CYFIP2: variants seen among roughly 807,000 people sequenced by gnomAD.
CYFIP2 encodes cytoplasmic FMR1 interacting protein 2, also known as cytoplasmic FMR1-interacting protein 2.
In CYFIP2, 29 loss-of-function variants were observed where a neutral mutation model predicts 158.7. The ratio of observed to expected loss-of-function variants is 0.18; its 90% CI spans 0.14 to 0.25. The LOEUF (loss-of-function observed/expected upper bound fraction) is 0.25, where lower values mean the gene tolerates loss of function less well. Ranked by LOEUF, CYFIP2 falls within the 10% of genes least tolerant of loss-of-function variation. The pLI, the probability that CYFIP2 is intolerant of heterozygous loss-of-function variation, is 1.00. For missense variants in CYFIP2, 852 were observed against 1,639.5 expected (o/e 0.52, Z 8.29); for synonymous variants, 585 against 617.6 (o/e 0.95, Z 0.78).
rs1215385731 is a variant in CYFIP2, at chr5:157,333,552, G to GT, written c.2385+107dup. On this transcript the variant is annotated intron_variant, in intron 21 of 30. Transcript: ENST00000620254. ...GTGCTGGGCCAGTTAAAGAGGGGCA[G>GT]TGAGTCTCTTTCCCATCTGAATGGA... 9 of 1,467,732 alleles carry GT rather than the reference G, an allele frequency of 6.1e-6. No individual in the cohort carries two copies. The Admixed American group carries it at 1.6e-4, about 26-fold the overall frequency. 90.9% of individuals were successfully genotyped at this position (1,467,732 alleles called of 1,614,324 possible). A position where few individuals can be genotyped will look rare whatever the true frequency, so the allele number is the denominator to read the frequency against.
intron 15 of CYFIP2, chr5:157,323,027 G>C: frequency 1.3e-6 from 2 of 1,535,944 alleles, no homozygotes; most frequent in Non-Finnish European, 1.7e-6. Flanking sequence ...GTATCACACC[G>C]CCTGGCTGGG....
At chr5:157,375,220 G>A (rs1765348811) in intron 26 of CYFIP2, among the ~76,000 whole-genome samples, 1 of 152,190 alleles carries the variant, frequency 6.6e-6, no homozygotes, top group Admixed American at 6.5e-5. Flanking sequence ...CCAGGCCTTT[G>A]GCAGCAAGGC....
intron 11 of CYFIP2, 23 bp from the exon 12 acceptor site, chr5:157,314,321 G>A: frequency 6.8e-6 from 11 of 1,611,904 alleles, no homozygotes; most frequent in Non-Finnish European, 9.3e-6. Context: ...TAGACCATGA[G>A]TATGACACCT....
At chr5:157,280,875 A>T (rs765544506) in intron 1 of CYFIP2, among the ~76,000 whole-genome samples, 1 of 152,152 alleles carries the variant, frequency 6.6e-6, no homozygotes, top group Non-Finnish European at 1.5e-5. Flanking sequence ...CCTAAATACA[A>T]TATTTCCTTC....
At chr5:157,287,187 G>T in intron 3 of CYFIP2, 79 bp downstream of exon 3, 1 of 1,139,912 alleles carries the variant, frequency 8.8e-7, no homozygotes, top group Non-Finnish European at 1.3e-6. Flanking sequence ...TCACACCAGA[G>T]GCATGTGCTC....
intron 26 of CYFIP2, among the ~76,000 whole-genome samples, chr5:157,365,826 T>C (rs575364752): frequency 4.5e-4 from 37 of 83,120 alleles, no homozygotes; most frequent in Non-Finnish European, 8.4e-4. Flanking sequence ...ATCCATGTTG[T>C]AGATGATCCA....
chr5:157,328,165 C>A, intron 19 of CYFIP2, 116 bp downstream of exon 19: 1 of 996,804 alleles, frequency 1.0e-6, no homozygotes, highest in Non-Finnish European at 1.5e-6. Context: ...CAGAGCCATT[C>A]CACGGACCCG....
At chr5:157,348,403 C>T (rs1045738238) in intron 23 of CYFIP2, among the ~76,000 whole-genome samples, 1 of 152,090 alleles carries the variant, frequency 6.6e-6, no homozygotes, top group African/African-American at 2.4e-5. Context: ...TGTGCACTAC[C>T]ACCCCTGGCT....
chr5:157,315,248 G>T (rs1036601396), intron 13 of CYFIP2, among the ~76,000 whole-genome samples, 154 bp downstream of exon 13: 1 of 152,006 alleles, frequency 6.6e-6, no homozygotes, highest in South Asian at 2.1e-4. Flanking sequence ...AAGTTATTCT[G>T]CTACTCAGAA....
chr5:157,369,885 T>TTTTTTTTTTG (rs1764815661), intron 26 of CYFIP2, among the ~76,000 whole-genome samples: 1 of 148,698 alleles, frequency 6.7e-6, no homozygotes, highest in African/African-American at 2.5e-5. Context: ...CCTAGTTTTT[T>TTTTTTTTTTG]TTTTTTTTTT....
intron 28 of CYFIP2, among the ~76,000 whole-genome samples, chr5:157,387,365 A>G (rs1766801961): frequency 1.3e-5 from 2 of 152,220 alleles, no homozygotes; most frequent in South Asian, 4.1e-4. Flanking sequence ...GGGGGGCACC[A>G]GAGTTCAAAG....
chr5:157,367,751 C>CAT (rs1554119887), intron 26 of CYFIP2, among the ~76,000 whole-genome samples: 1 of 123,584 alleles, frequency 8.1e-6, no homozygotes, highest in African/African-American at 3.1e-5. Flanking sequence ...CCTCTGTTCA[C>CAT]TTTTTTTTTT....
chr5:157,313,916 G>A (rs548703927), intron 11 of CYFIP2, among the ~76,000 whole-genome samples: 2 of 152,204 alleles, frequency 1.3e-5, no homozygotes, highest in Admixed American at 1.3e-4. Flanking sequence ...CATATATTAA[G>A]AGTAAGATTG....
At chr5:157,276,323 G>A (rs1034229273) in intron 1 of CYFIP2, among the ~76,000 whole-genome samples, 3 of 152,026 alleles carry the variant, frequency 2.0e-5, no homozygotes, top group African/African-American at 7.2e-5. Flanking sequence ...AGTTTTTTGA[G>A]TGTTTTTATC....
intron 21 of CYFIP2, among the ~76,000 whole-genome samples, chr5:157,333,757 G>A (rs528705944): frequency 2.0e-4 from 30 of 152,328 alleles, no homozygotes; most frequent in African/African-American, 7.0e-4. Flanking sequence ...AGAAGCTAGG[G>A]AAAATTGCAC....
intron 28 of CYFIP2, 71 bp downstream of exon 28, chr5:157,383,430 C>A: frequency 7.2e-7 from 1 of 1,390,102 alleles, no homozygotes; most frequent in South Asian, 1.2e-5. Context: ...CAAACCCCCT[C>A]ATTGTACAGG....
intron 14 of CYFIP2, among the ~76,000 whole-genome samples, chr5:157,320,215 T>A (rs945941945): frequency 2.0e-5 from 3 of 152,230 alleles, no homozygotes; most frequent in Non-Finnish European, 4.4e-5. Flanking sequence ...CCTGTTGGGA[T>A]GATGAAATGA....
rs1761621312 is a variant in CYFIP2, at chr5:157,333,329, G to C, written c.2268G>C (p.Leu756=). Residue 756 remains leucine, a splice_region_variant and synonymous_variant, in exon 21 of 31, where the codon CTG becomes CTC. Coordinates refer to ENST00000620254, the MANE Select transcript of CYFIP2 (RefSeq NM_001037333.3). ...ETLLKQRHVQ[L]LGRSIDLNRL... ...TTTCTCTCTCTCTCTTCATCCAGCT[G>C]TTGGGTAGATCAATTGACTTGAACA... is the stretch of plus-strand genomic sequence containing the variant. 1 of 1,613,914 alleles carries C rather than the reference G, an allele frequency of 6.2e-7. No homozygotes were observed. Among genetic ancestry groups the C allele is most frequent in the Non-Finnish European group, 8.5e-7 (1 of 1,179,852 alleles).
chr5:157,287,261 C>T (rs555499512), intron 3 of CYFIP2, among the ~76,000 whole-genome samples, 153 bp downstream of exon 3: 193 of 152,302 alleles, frequency 1.3e-3, no homozygotes, highest in Non-Finnish European at 2.5e-3. Context: ...TTACATTCTG[C>T]GCCATCCCCT....
Sources: gnomAD v4.1 joint callset for allele counts (sites outside exome capture counted in the v4.1 genomes callset) on GRCh38, gnomAD v4.1.1 for gene constraint, MANE v1.5 for transcripts, NCBI Gene and HGNC (gene_info 2026-07-23, HGNC 2026-07-21) for gene names.